EYA4: variants seen among roughly 807,000 people sequenced by gnomAD.
EYA4 encodes the protein protein phosphatase EYA4.
Under a neutral mutation model 87.9 loss-of-function variants are expected in EYA4, and 31 were observed. The observed-to-expected ratio is 0.35, with a 90% CI of 0.27 to 0.48. EYA4 has a LOEUF of 0.48. EYA4 is among the 20% of genes least tolerant of loss of function. The pLI is 0.99. For synonymous variants in EYA4, 263 were observed against 270.6 expected (o/e 0.97, Z 0.28); for missense variants, 678 against 761.4 (o/e 0.89, Z 1.29).
At chr6:133,460,395 G>A (rs1267719049) in intron 6 of EYA4, among the ~76,000 whole-genome samples, 3 of 152,108 alleles carry the variant, frequency 2.0e-5, no homozygotes, top group Admixed American at 2.0e-4. Flanking sequence ...ATATATTCCA[G>A]TTTGGGGCTC....
chr6:133,482,068 C>T (rs143273354), intron 12 of EYA4, among the ~76,000 whole-genome samples: 1 of 152,198 alleles, frequency 6.6e-6, no homozygotes, highest in African/African-American at 2.4e-5. Context: ...GTGTTAAAAT[C>T]TGAAAATTTC....
At chr6:133,405,571 A>T (rs1385495997) in intron 3 of EYA4, among the ~76,000 whole-genome samples, 1 of 152,206 alleles carries the variant, frequency 6.6e-6, no homozygotes, top group Non-Finnish European at 1.5e-5. Context: ...AATTCAACAA[A>T]TTAATTCAAC....
chr6:133,498,701 T>TTTGA (rs56655335), intron 13 of EYA4, among the ~76,000 whole-genome samples: 15,785 of 151,972 alleles, frequency 0.1, 2,522 homozygotes, highest in African/African-American at 0.34. Flanking sequence ...TTATAGTAAG[T>TTTGA]TTGTGTGTGC....
intron 13 of EYA4, among the ~76,000 whole-genome samples, chr6:133,490,762 G>C (rs1283505565): frequency 6.6e-6 from 1 of 152,108 alleles, no homozygotes; most frequent in East Asian, 1.9e-4. Flanking sequence ...AGTCACTGGA[G>C]ACTTCAGCAC....
chr6:133,506,177 G>T lies in EYA4; in HGVS notation c.1263G>T (p.Leu421Phe), dbSNP rs762982137. Residue 421 changes from leucine to phenylalanine, a missense_variant, in exon 14 of 20, where the codon TTG becomes TTT. Coordinates refer to ENST00000355286, the MANE Select transcript of EYA4 (RefSeq NM_004100.5). ...EMIFNLADTHLFFNDLEECDQ... is the reference protein window; with the variant it reads ...EMIFNLADTHFFFNDLEECDQ... ...TTTTTAATCTTGCTGATACTCATTT[G>T]TTTTTTAATGATTTAGAGGTAAGAA... is the stretch of plus-strand genomic sequence containing the variant. 2 of 1,600,432 alleles carry T rather than the reference G, an allele frequency of 1.2e-6. No individual in the cohort carries two copies. Among genetic ancestry groups the T allele is most frequent in the Non-Finnish European group, 1.7e-6 (2 of 1,167,734 alleles).
At chr6:133,348,688 A>G (rs751906454) in intron 2 of EYA4, among the ~76,000 whole-genome samples, 7 of 152,050 alleles carry the variant, frequency 4.6e-5, no homozygotes, top group Non-Finnish European at 8.8e-5. Flanking sequence ...TGATCTGTAG[A>G]CATCTAATCC....
Position 133,372,894 on chromosome 6 carries a change from C to T in EYA4, c.34-9498C>T, listed in dbSNP as rs1019318863. ...AATTTTTTTAAAAGTTATGGTGATA[C>T]TATTGGGCACATTAGGAGAGTTTTT... On this transcript the variant is annotated intron_variant, in intron 2 of 19. Coordinates refer to ENST00000355286, the MANE Select transcript of EYA4 (RefSeq NM_004100.5). 3.3e-5 allele frequency among the ~76,000 whole-genome samples: 5 copies of T among 151,818 alleles called. 1 individual carries two copies. The South Asian group carries it at 1.0e-3, about 32-fold the overall frequency.
chr6:133,497,951 A>G (rs1296966758), intron 13 of EYA4, among the ~76,000 whole-genome samples: 1 of 152,206 alleles, frequency 6.6e-6, no homozygotes, highest in Non-Finnish European at 1.5e-5. Flanking sequence ...TATTTTAGAC[A>G]ACATCTCATA....
chr6:133,502,055 C>G lies in EYA4; in HGVS notation c.1192-4051C>G, dbSNP rs113579310. Among the ~76,000 whole-genome samples, 284 of 151,214 alleles carry G rather than the reference C, an allele frequency of 1.9e-3. 2 individuals are homozygous for G. The highest frequency in any genetic ancestry group is 6.6e-3 in the African/African-American group (267 of 40,702). On this transcript the variant is annotated intron_variant, in intron 13 of 19. Coordinates refer to ENST00000355286, the MANE Select transcript of EYA4 (RefSeq NM_004100.5). Reference sequence around the variant, plus strand: ...CTTCATCTTCCTCTTCTCTCTCTCTCTCTCTCTCTCTCTCTCACTCTCTCT... The same window carrying G: ...CTTCATCTTCCTCTTCTCTCTCTCTGTCTCTCTCTCTCTCTCACTCTCTCT...
At chr6:133,491,111 G>A (rs74950525) in intron 13 of EYA4, among the ~76,000 whole-genome samples, 3,985 of 152,126 alleles carry the variant, frequency 0.026, 180 homozygotes, top group African/African-American at 0.088. Context: ...TGACCAATGG[G>A]TCAATGAAAA....
In EYA4 at chr6:133,275,079, T is replaced by C. The variant is rs61048519; in HGVS notation, c.33+266T>C. ...ACTAAGGCATTGAAATCATGATGCATGTTTTAGACAGTCTAAACAATTTTA... is the reference window on the plus strand; with the variant it reads ...ACTAAGGCATTGAAATCATGATGCACGTTTTAGACAGTCTAAACAATTTTA... On this transcript the variant is annotated intron_variant, in intron 2 of 19. Coordinates refer to ENST00000355286, the MANE Select transcript of EYA4 (RefSeq NM_004100.5). 0.043 allele frequency among the ~76,000 whole-genome samples: 6,561 copies of C among 152,204 alleles called. 309 individuals are homozygous for C. The highest frequency in any genetic ancestry group is 0.12 in the African/African-American group (4,933 of 41,502).
intron 2 of EYA4, among the ~76,000 whole-genome samples, chr6:133,331,718 G>A (rs770297255): frequency 5.3e-5 from 8 of 152,184 alleles, no homozygotes; most frequent in Non-Finnish European, 8.8e-5. Context: ...GAGGATAATT[G>A]ACCAATACCT....
intron 2 of EYA4, among the ~76,000 whole-genome samples, chr6:133,278,000 A>G (rs1777316943): frequency 6.6e-6 from 1 of 152,152 alleles, no homozygotes; most frequent in Non-Finnish European, 1.5e-5. Flanking sequence ...CCCTGATCAC[A>G]TCACTACCTT....
intron 1 of EYA4, among the ~76,000 whole-genome samples, chr6:133,272,202 G>A (rs866010058): frequency 2.0e-5 from 3 of 152,198 alleles, no homozygotes; most frequent in African/African-American, 7.2e-5. Context: ...TTAGAGGGGT[G>A]CCTCCATATC....
At chr6:133,527,520 A>G (rs1800733172) in intron 19 of EYA4, among the ~76,000 whole-genome samples, 1 of 152,230 alleles carries the variant, frequency 6.6e-6, no homozygotes. Context: ...ATGTCAACCC[A>G]GTATACCCAA....
At chr6:133,376,206 C>G (rs1172716904) in intron 2 of EYA4, among the ~76,000 whole-genome samples, 1 of 151,694 alleles carries the variant, frequency 6.6e-6, no homozygotes, top group Non-Finnish European at 1.5e-5. Context: ...CCATGTTTTC[C>G]TTAAGCAATA....
chr6:133,295,825 A>G (rs1200289916), intron 2 of EYA4, among the ~76,000 whole-genome samples: 5 of 152,198 alleles, frequency 3.3e-5, no homozygotes, highest in African/African-American at 1.2e-4. Context: ...AGCCCTTCCC[A>G]TTGCCAGGAA....
chr6:133,289,344 A>G (rs1216265469), intron 2 of EYA4, among the ~76,000 whole-genome samples: 1 of 152,196 alleles, frequency 6.6e-6, no homozygotes, highest in Non-Finnish European at 1.5e-5. Flanking sequence ...CAGGGTTAGA[A>G]TTAAGGGCTT....
At chr6:133,487,596 G>C (rs956565927) in intron 13 of EYA4, among the ~76,000 whole-genome samples, 1 of 152,174 alleles carries the variant, frequency 6.6e-6, no homozygotes, top group Non-Finnish European at 1.5e-5. Context: ...CCAGGCCCTG[G>C]TTCTGAGATA....
Sources: gnomAD v4.1 joint callset for allele counts (sites outside exome capture counted in the v4.1 genomes callset) on GRCh38, gnomAD v4.1.1 for gene constraint, MANE v1.5 for transcripts, NCBI Gene and HGNC (gene_info 2026-07-23, HGNC 2026-07-21) for gene names.